The following TXNDC12 variants were observed in gnomAD, a reference collection of about 807,000 sequenced individuals.
The protein encoded by TXNDC12 is thioredoxin domain containing 12.
Under a neutral mutation model 24.2 loss-of-function variants are expected in TXNDC12, and 22 were observed. That is an observed-to-expected ratio of 0.91 (90% confidence interval 0.65 to 1.30). The LOEUF (loss-of-function observed/expected upper bound fraction) is 1.30. TXNDC12 is among the 50% of genes most tolerant of loss of function. TXNDC12 has a pLI of 0.00. For missense variants in TXNDC12, 184 were observed against 205.8 expected (o/e 0.89, Z 0.65); for synonymous variants, 58 against 73.4 (o/e 0.79, Z 1.07).
chr1:52,053,099 C>CA (rs35268359), intron 1 of TXNDC12, among the ~76,000 whole-genome samples: 109,689 of 144,120 alleles, frequency 0.76, 44,041 homozygotes, highest in Non-Finnish European at 0.88. Context: ...CAAAAAAATA[C>CA]AAAAAAAAAA....
At chr1:52,042,353 T>C (rs926455685) in intron 1 of TXNDC12, among the ~76,000 whole-genome samples, 4 of 152,180 alleles carry the variant, frequency 2.6e-5, no homozygotes, top group Non-Finnish European at 5.9e-5. Flanking sequence ...GGTCCAACTC[T>C]TGCAGTAGGG....
At chr1:52,036,574 T>C (rs919813215) in intron 2 of TXNDC12, among the ~76,000 whole-genome samples, 28 of 152,340 alleles carry the variant, frequency 1.8e-4, no homozygotes, top group Admixed American at 8.5e-4. Context: ...ATAATTTCTG[T>C]CTGATTTTGT....
At chr1:52,053,364 C>CT (rs1686257093) in intron 1 of TXNDC12, among the ~76,000 whole-genome samples, 1 of 151,836 alleles carries the variant, frequency 6.6e-6, no homozygotes, top group East Asian at 2.0e-4. Context: ...GTACTTACAA[C>CT]TTTAAATATA....
chr1:52,040,889 G>A (rs999733231), intron 2 of TXNDC12, among the ~76,000 whole-genome samples: 4 of 151,238 alleles, frequency 2.6e-5, no homozygotes, highest in Non-Finnish European at 5.9e-5. Flanking sequence ...AAAATTAGCC[G>A]GCAATGGTGG....
chr1:52,024,177 T>TAA (rs537656517), intron 5 of TXNDC12, among the ~76,000 whole-genome samples: 68 of 152,200 alleles, frequency 4.5e-4, no homozygotes, highest in African/African-American at 1.5e-3. Flanking sequence ...GTACTTTTTG[T>TAA]AGAGACGGGC....
intron 1 of TXNDC12, among the ~76,000 whole-genome samples, chr1:52,042,379 A>G (rs893795707): frequency 3.9e-5 from 6 of 152,166 alleles, no homozygotes; most frequent in African/African-American, 1.4e-4. Context: ...AAAGCCTTTC[A>G]GAATATGGCA....
chr1:52,028,312 C>T (rs1237461173), intron 3 of TXNDC12, among the ~76,000 whole-genome samples: 3 of 152,142 alleles, frequency 2.0e-5, no homozygotes, highest in African/African-American at 7.2e-5. Context: ...TACATTTCAG[C>T]TTCCTCTAAC....
In TXNDC12 at chr1:52,020,500, T is replaced by C. The variant is rs541375381; in HGVS notation, c.*433A>G. On this transcript the variant is annotated 3_prime_UTR_variant, in exon 7 of 7. Coordinates refer to ENST00000371626, the MANE Select transcript of TXNDC12 (RefSeq NM_015913.4). ...TTAGGATTTATTGTTATTGTTGTTG[T>C]TGTTGTTTTTTAATGATAAGCTACT... 6 of 236,232 alleles carry C rather than the reference T, an allele frequency of 2.5e-5. No homozygotes were observed. Among genetic ancestry groups the C allele is most frequent in the African/African-American group, 1.3e-4 (6 of 44,574 alleles). 14.6% of individuals were successfully genotyped at this position (236,232 alleles called of 1,614,324 possible).
intron 2 of TXNDC12, chr1:52,032,300 G>T (rs1001973064): frequency 1.1e-5 from 11 of 1,002,812 alleles, no homozygotes; most frequent in Non-Finnish European, 1.2e-5. Context: ...TGCAGATGTA[G>T]AACTGTACCA....
upstream of TXNDC12, chr1:52,055,729 C>T (rs1686330607): frequency 6.6e-6 from 1 of 152,280 alleles, no homozygotes; most frequent in South Asian, 2.1e-4. Context: ...CCTTATTTTT[C>T]CTTGCAACCG....
chr1:52,039,414 G>A (rs903438447), intron 2 of TXNDC12, among the ~76,000 whole-genome samples: 2 of 151,416 alleles, frequency 1.3e-5, no homozygotes, highest in Non-Finnish European at 2.9e-5. Flanking sequence ...CTGCAACTCC[G>A]TCTCCCAGGT....
intron 2 of TXNDC12, among the ~76,000 whole-genome samples, chr1:52,039,821 A>C (rs1433468133): frequency 6.6e-6 from 1 of 152,238 alleles, no homozygotes; most frequent in Non-Finnish European, 1.5e-5. Context: ...GTTATGATTT[A>C]ATATGGCATC....
rs1685579133 is a variant in TXNDC12, at chr1:52,020,624, T to C, written c.*309A>G. 1 of 357,572 alleles carries C rather than the reference T, an allele frequency of 2.8e-6. No homozygotes were observed. Among genetic ancestry groups the C allele is most frequent in the Non-Finnish European group, 5.1e-6 (1 of 197,334 alleles). The allele number at this position is 357,572 out of a possible 1,614,324, so 22.1% of individuals were successfully genotyped here. ...ATGGGAAAAGACTCAAATACTTAAG[T>C]GCGAGGAGTAAACATCCAAGTGGCT... On this transcript the variant is annotated 3_prime_UTR_variant, in exon 7 of 7. Transcript: ENST00000371626.
At chr1:52,050,719 C>T (rs1189357252) in intron 1 of TXNDC12, among the ~76,000 whole-genome samples, 1 of 152,220 alleles carries the variant, frequency 6.6e-6, no homozygotes, top group African/African-American at 2.4e-5. Flanking sequence ...AGCCACTTAC[C>T]ATTTTCATAA....
Position 52,048,212 on chromosome 1 carries a change from C to T in TXNDC12, c.98-6615G>A, listed in dbSNP as rs145431299. Among the ~76,000 whole-genome samples the T allele has an allele frequency of 7.8e-3, 1,186 of 152,230 alleles. 16 individuals carry two copies. Among genetic ancestry groups the T allele is most frequent in the African/African-American group, 0.027 (1,140 of 41,530 alleles). ...AGTTGTGGTGGCTCACACCTATAATCCCAGCATTTTGGGAGGCCAAGGCAG... is the reference window on the plus strand; with the variant it reads ...AGTTGTGGTGGCTCACACCTATAATTCCAGCATTTTGGGAGGCCAAGGCAG... On this transcript the variant is annotated intron_variant, in intron 1 of 6. Transcript: ENST00000371626.
chr1:52,046,104 T>C (rs1686084630), intron 1 of TXNDC12, among the ~76,000 whole-genome samples: 2 of 151,882 alleles, frequency 1.3e-5, no homozygotes, highest in Non-Finnish European at 2.9e-5. Flanking sequence ...TCCTAGCTAC[T>C]TGGGAGGCAG....
At chr1:52,045,159 G>A (rs1286678769) in intron 1 of TXNDC12, among the ~76,000 whole-genome samples, 7 of 152,144 alleles carry the variant, frequency 4.6e-5, no homozygotes, top group Admixed American at 4.6e-4. Flanking sequence ...AATTTGAAAA[G>A]GCTATATACT....
chr1:52,055,842 C>G (rs556507899), upstream of TXNDC12: 1 of 152,338 alleles, frequency 6.6e-6, no homozygotes, highest in South Asian at 2.1e-4. Flanking sequence ...ACTTAGGACA[C>G]CAGGATATAA....
chr1:52,036,362 A>C (rs1045937889), intron 2 of TXNDC12, among the ~76,000 whole-genome samples: 3 of 152,182 alleles, frequency 2.0e-5, no homozygotes, highest in Admixed American at 6.5e-5. Flanking sequence ...AATCATAAAG[A>C]AGCAAAAATA....
Sources: gnomAD v4.1 joint callset for allele counts (sites outside exome capture counted in the v4.1 genomes callset) on GRCh38, gnomAD v4.1.1 for gene constraint, MANE v1.5 for transcripts, NCBI Gene and HGNC (gene_info 2026-07-23, HGNC 2026-07-21) for gene names.